Variants in ANKRD44 observed in about 807,000 individuals in gnomAD.
ANKRD44 encodes the protein ankyrin repeat domain 44.
Under a neutral mutation model 116.0 loss-of-function variants are expected in ANKRD44, and 35 were observed. That is an observed-to-expected ratio of 0.30 (90% confidence interval 0.23 to 0.40). The LOEUF (loss-of-function observed/expected upper bound fraction) is 0.40. Ranked by LOEUF, ANKRD44 falls within the 10% of genes least tolerant of loss-of-function variation. The pLI is 1.00. For missense variants in ANKRD44, 1,014 were observed against 1,242.6 expected (o/e 0.82, Z 2.77); for synonymous variants, 435 against 461.8 (o/e 0.94, Z 0.74).
chr2:196,982,314 T>C (rs991706597), downstream of ANKRD44, among the ~76,000 whole-genome samples: 1 of 151,958 alleles, frequency 6.6e-6, no homozygotes, highest in African/African-American at 2.4e-5. Context: ...GAAAGTTAAT[T>C]GGCGATAGCA....
At chr2:197,141,334 T>C (rs4850767) in intron 3 of ANKRD44, among the ~76,000 whole-genome samples, 95,783 of 152,178 alleles carry the variant, frequency 0.63, 33,894 homozygotes, top group East Asian at 0.95. Context: ...TAGCCATTTG[T>C]AATTCATTTT....
At chr2:197,295,387 G>A (rs779244151) in intron 1 of ANKRD44, among the ~76,000 whole-genome samples, 1 of 152,192 alleles carries the variant, frequency 6.6e-6, no homozygotes, top group Non-Finnish European at 1.5e-5. Context: ...AGCGCCCATA[G>A]ACAAGACGTA....
intron 21 of ANKRD44, among the ~76,000 whole-genome samples, chr2:196,975,290 TA>T (rs2075748679): frequency 6.6e-6 from 1 of 151,880 alleles, no homozygotes; most frequent in Non-Finnish European, 1.5e-5. Context: ...CTCTAACAAG[TA>T]AAGAAATTGA....
At chr2:197,266,412 T>C (rs1338762624) in intron 1 of ANKRD44, among the ~76,000 whole-genome samples, 1 of 152,146 alleles carries the variant, frequency 6.6e-6, no homozygotes, top group Non-Finnish European at 1.5e-5. Context: ...GCCACTAATA[T>C]ACAAACAGAT....
intron 1 of ANKRD44, among the ~76,000 whole-genome samples, chr2:197,254,870 T>C (rs191931468): frequency 6.6e-5 from 10 of 152,352 alleles, no homozygotes; most frequent in Admixed American, 5.9e-4. Context: ...CACTTCATCA[T>C]GTCCCCAGAG....
chr2:197,091,747 T>G (rs909068481), intron 10 of ANKRD44, among the ~76,000 whole-genome samples: 2 of 152,232 alleles, frequency 1.3e-5, no homozygotes, highest in African/African-American at 4.8e-5. Flanking sequence ...GCTATATTGT[T>G]GAAAATAAAG....
At chr2:197,100,378 T>C (rs1275847186) in intron 9 of ANKRD44, among the ~76,000 whole-genome samples, 1 of 152,008 alleles carries the variant, frequency 6.6e-6, no homozygotes, top group Non-Finnish European at 1.5e-5. Flanking sequence ...GAGATTGCAG[T>C]GAGCCAAGAT....
rs1057347619 is a variant in ANKRD44, at chr2:196,993,608, G to A, written c.2898C>T (p.Ala966=). 1.3e-6 allele frequency: 2 copies of A among 1,550,838 alleles called. No homozygotes were observed. The highest frequency in any genetic ancestry group is 1.2e-5 in the South Asian group (1 of 84,050). ...VVVEELLAKG[A]CVLAVDENAS... ...CATTTTCATCTACAGCAAGTACACA[G>A]GCCCCTTTGGCCAGCAACTCCTCAA... Residue 966 remains alanine, a synonymous_variant, in exon 27 of 28, where the codon GCC becomes GCT. Transcript: ENST00000282272.
intron 21 of ANKRD44, 136 bp downstream of exon 21, chr2:197,005,554 TACAC>T (rs2076186726): frequency 1.3e-6 from 1 of 793,220 alleles, no homozygotes; most frequent in African/African-American, 1.7e-5. Flanking sequence ...ACAAACAAAA[TACAC>T]AAAAAAGATA....
chr2:197,307,313 G>A (rs2084100727), intron 1 of ANKRD44, among the ~76,000 whole-genome samples: 1 of 151,888 alleles, frequency 6.6e-6, no homozygotes, highest in Admixed American at 6.6e-5. Context: ...TGTTACACAG[G>A]GTAACCAGTT....
chr2:197,287,839 G>T (rs982411811), intron 1 of ANKRD44, among the ~76,000 whole-genome samples: 3 of 151,714 alleles, frequency 2.0e-5, no homozygotes, highest in African/African-American at 7.3e-5. Context: ...GGCCAACATG[G>T]TGAAACCCTG....
intron 2 of ANKRD44, among the ~76,000 whole-genome samples, chr2:197,165,017 A>T (rs1016352281): frequency 6.6e-6 from 1 of 152,166 alleles, no homozygotes; most frequent in Non-Finnish European, 1.5e-5. Flanking sequence ...GGCTAATAGA[A>T]TCATTCTCCC....
chr2:197,177,610 A>G (rs1046260405), intron 2 of ANKRD44, among the ~76,000 whole-genome samples: 13 of 152,226 alleles, frequency 8.5e-5, no homozygotes, highest in East Asian at 3.9e-4. Context: ...GTGTGTGTGT[A>G]TATATTTATA....
intron 26 of ANKRD44, chr2:196,995,087 T>C (rs559380938): frequency 3.3e-5 from 7 of 214,072 alleles, no homozygotes; most frequent in Non-Finnish European, 4.6e-5. Flanking sequence ...CCATAAAATT[T>C]TTCTAACAGC....
intron 2 of ANKRD44, among the ~76,000 whole-genome samples, chr2:197,153,240 A>G (rs1190513538): frequency 2.8e-5 from 3 of 108,016 alleles, no homozygotes; most frequent in African/African-American, 2.8e-5. Flanking sequence ...AAAAAAAAAA[A>G]AAAAAAAGAA....
At chr2:196,990,344 A>T (rs1247372707) in intron 27 of ANKRD44, 1 of 1,004,850 alleles carries the variant, frequency 1.0e-6, no homozygotes, top group African/African-American at 1.7e-5. Context: ...AATACATGAA[A>T]AGAAAAATTA....
At chr2:197,054,837 T>C (rs2077173890) in intron 16 of ANKRD44, among the ~76,000 whole-genome samples, 2 of 152,192 alleles carry the variant, frequency 1.3e-5, no homozygotes, top group Admixed American at 1.3e-4. Flanking sequence ...TAGTGAATGT[T>C]TAGAGGCCAT....
chr2:197,010,058 G>C (rs140249733), intron 18 of ANKRD44, among the ~76,000 whole-genome samples: 2 of 152,056 alleles, frequency 1.3e-5, no homozygotes, highest in Non-Finnish European at 2.9e-5. Flanking sequence ...TGGAGGAGGA[G>C]GAGGAAGGCG....
At chr2:197,288,782 T>C (rs2083478631) in intron 1 of ANKRD44, among the ~76,000 whole-genome samples, 1 of 152,044 alleles carries the variant, frequency 6.6e-6, no homozygotes, top group Admixed American at 6.6e-5. Context: ...TAATGTTAAG[T>C]AAAATAAGCC....
Sources: gnomAD v4.1 joint callset for allele counts (sites outside exome capture counted in the v4.1 genomes callset) on GRCh38, gnomAD v4.1.1 for gene constraint, MANE v1.5 for transcripts, NCBI Gene and HGNC (gene_info 2026-07-23, HGNC 2026-07-21) for gene names.